HTR1F: variants seen among roughly 807,000 people sequenced by gnomAD.
The protein encoded by HTR1F is 5-hydroxytryptamine (serotonin) receptor 1F, G protein-coupled.
HTR1F carries 17 observed loss-of-function variants against 24.0 expected under a neutral mutation model. The ratio of observed to expected loss-of-function variants is 0.71; its 90% CI spans 0.48 to 1.06. The LOEUF is 1.06. Ranked by LOEUF, HTR1F falls within the 50% of genes least tolerant of loss-of-function variation. The pLI is 0.00. For missense variants in HTR1F, 391 were observed against 427.8 expected, an observed-to-expected ratio of 0.91 and a Z score of 0.76; for synonymous variants, 186 against 156.8, an observed-to-expected ratio of 1.19 and a Z score of -1.39.
chr3:87,845,094 G>A (rs1165624814), intron 2 of HTR1F, among the ~76,000 whole-genome samples: 1 of 151,536 alleles, frequency 6.6e-6, no homozygotes, highest in Admixed American at 6.6e-5. Flanking sequence ...AAAATAATAA[G>A]AGCTATCTAT....
rs189655239 is a variant in HTR1F, at chr3:87,985,974, T to C, written c.-42-4734T>C. On this transcript the variant is annotated intron_variant, in intron 2 of 2. Transcript: ENST00000319595. ...GAATAAAACCTGGGGAAGTTTTCTTTCTCTGTTATTATCAAGAAGGCTGTA... is the reference window on the plus strand; with the variant it reads ...GAATAAAACCTGGGGAAGTTTTCTTCCTCTGTTATTATCAAGAAGGCTGTA... Among the ~76,000 whole-genome samples, 54 of 152,380 alleles carry C rather than the reference T, an allele frequency of 3.5e-4. 1 individual carries two copies. The highest frequency in any genetic ancestry group is 2.0e-3 in the Admixed American group (30 of 15,306).
chr3:87,817,563 G>C (rs919613202), intron 1 of HTR1F, among the ~76,000 whole-genome samples: 2 of 152,082 alleles, frequency 1.3e-5, no homozygotes, highest in African/African-American at 4.8e-5. Context: ...TACTACACTT[G>C]TTGCATTACC....
intron 2 of HTR1F, among the ~76,000 whole-genome samples, chr3:87,859,501 A>T (rs140028011): frequency 6.6e-6 from 1 of 152,214 alleles, no homozygotes; most frequent in Non-Finnish European, 1.5e-5. Context: ...CAATGAAAGC[A>T]TATTAACAAA....
intron 2 of HTR1F, among the ~76,000 whole-genome samples, chr3:87,852,354 C>T (rs1470659374): frequency 6.6e-6 from 1 of 151,566 alleles, no homozygotes; most frequent in African/African-American, 2.4e-5. Flanking sequence ...AAATCTTGTT[C>T]ATTCCCAGAT....
At chr3:87,841,374 A>G (rs1704798834) in intron 2 of HTR1F, among the ~76,000 whole-genome samples, 1 of 151,868 alleles carries the variant, frequency 6.6e-6, no homozygotes, top group African/African-American at 2.4e-5. Flanking sequence ...TTATTAATCA[A>G]TCCTTTTAAT....
At chr3:87,828,380 A>T (rs2017565) in intron 2 of HTR1F, among the ~76,000 whole-genome samples, 54,961 of 152,098 alleles carry the variant, frequency 0.36, 14,283 homozygotes, top group African/African-American at 0.74. Context: ...TCTAACAAAT[A>T]CAGTTTAAGT....
chr3:87,890,905 G>A (rs775257306), intron 2 of HTR1F, among the ~76,000 whole-genome samples: 2 of 149,026 alleles, frequency 1.3e-5, no homozygotes, highest in African/African-American at 2.5e-5. Flanking sequence ...GCAATGGCAC[G>A]ATCTCGGCTC....
intron 2 of HTR1F, among the ~76,000 whole-genome samples, chr3:87,868,251 T>TA (rs1355904518): frequency 6.6e-6 from 1 of 152,070 alleles, no homozygotes; most frequent in Non-Finnish European, 1.5e-5. Flanking sequence ...TATTGGATAA[T>TA]AAAATCAATG....
intron 2 of HTR1F, among the ~76,000 whole-genome samples, chr3:87,892,597 A>C (rs1204437461): frequency 6.6e-6 from 1 of 152,126 alleles, no homozygotes; most frequent in Non-Finnish European, 1.5e-5. Context: ...CTATAAAGCT[A>C]CCCAGTATAC....
chr3:87,905,398 T>C (rs906775385), intron 2 of HTR1F, among the ~76,000 whole-genome samples: 4 of 151,964 alleles, frequency 2.6e-5, no homozygotes, highest in African/African-American at 9.7e-5. Flanking sequence ...ATCCAAATTC[T>C]CTACTCAAAA....
chr3:87,940,222 T>C (rs1033795271), intron 2 of HTR1F, among the ~76,000 whole-genome samples: 1 of 152,228 alleles, frequency 6.6e-6, no homozygotes, highest in Admixed American at 6.5e-5. Context: ...CACTGTGATC[T>C]GCGAGACTGT....
At chr3:87,987,183 ATTAAGAAATTATTCAGTTT>A (rs1278065120) in intron 2 of HTR1F, among the ~76,000 whole-genome samples, 3 of 152,148 alleles carry the variant, frequency 2.0e-5, no homozygotes, top group Non-Finnish European at 4.4e-5. Context: ...GAATTAACCC[ATTAAGAAATTATTCAGTTT>A]TTTAAATTTA....
chr3:87,967,477 G>A (rs1174517046), intron 2 of HTR1F, among the ~76,000 whole-genome samples: 1 of 151,892 alleles, frequency 6.6e-6, no homozygotes, highest in African/African-American at 2.4e-5. Flanking sequence ...CAGGGAAAGT[G>A]GTACCTCAAG....
intron 2 of HTR1F, among the ~76,000 whole-genome samples, chr3:87,986,286 A>C (rs1416158559): frequency 6.6e-6 from 1 of 152,202 alleles, no homozygotes; most frequent in Non-Finnish European, 1.5e-5. Flanking sequence ...AATAGGAGAA[A>C]AATAAAAATA....
chr3:87,975,879 C>T (rs1220166392), intron 2 of HTR1F, among the ~76,000 whole-genome samples: 1 of 152,204 alleles, frequency 6.6e-6, no homozygotes, highest in African/African-American at 2.4e-5. Context: ...GACTGCTGAA[C>T]ATTCTGTAAT....
intron 2 of HTR1F, among the ~76,000 whole-genome samples, chr3:87,850,296 A>C (rs1486708710): frequency 6.6e-5 from 10 of 152,086 alleles, no homozygotes; most frequent in Admixed American, 5.9e-4. Context: ...TGATGAGTTC[A>C]TGTCCTTTGT....
At chr3:87,905,319 A>AAAAC (rs1428839301) in intron 2 of HTR1F, among the ~76,000 whole-genome samples, 9 of 151,332 alleles carry the variant, frequency 5.9e-5, no homozygotes, top group Non-Finnish European at 1.2e-4. Context: ...TCAAACAAAC[A>AAAAC]AAAAAAAAGT....
intron 2 of HTR1F, among the ~76,000 whole-genome samples, chr3:87,921,495 C>T (rs971955324): frequency 9.2e-5 from 14 of 151,738 alleles, no homozygotes; most frequent in Non-Finnish European, 1.5e-4. Flanking sequence ...ATAGGTATAT[C>T]CATACACATA....
chr3:87,953,350 G>T (rs570791748), intron 2 of HTR1F, among the ~76,000 whole-genome samples: 44 of 103,272 alleles, frequency 4.3e-4, no homozygotes, highest in African/African-American at 3.0e-3. Context: ...TCGATTTAAC[G>T]GCAAAAAAAA....
Sources: allele counts gnomAD v4.1 joint callset (sites outside exome capture counted in the v4.1 genomes callset), GRCh38; gene constraint gnomAD v4.1.1; transcripts MANE v1.5; gene names NCBI Gene and HGNC (gene_info 2026-07-23, HGNC 2026-07-21).